Variants in KCNQ4 observed in about 807,000 individuals in gnomAD.
KCNQ4 encodes potassium voltage-gated channel subfamily KQT member 4.
In KCNQ4, 31 loss-of-function variants were observed where a neutral mutation model predicts 72.6. The ratio of observed to expected loss-of-function variants is 0.43; its 90% CI spans 0.32 to 0.58. The LOEUF (loss-of-function observed/expected upper bound fraction) is 0.58. Among genes scored for constraint, KCNQ4 ranks in the 20% least tolerant of loss-of-function variants. KCNQ4 has a pLI of 0.08. For synonymous variants in KCNQ4, 405 were observed against 403.7 expected (o/e 1.00, Z -0.04); for missense variants, 869 against 962.6 (o/e 0.90, Z 1.29).
At chr1:40,813,754 G>GT (rs1203483341) in intron 1 of KCNQ4, among the ~76,000 whole-genome samples, 44 of 150,770 alleles carry the variant, frequency 2.9e-4, no homozygotes, top group African/African-American at 6.3e-4. Context: ...TTTTGTTTTT[G>GT]TTTTTGTTTT....
intron 9 of KCNQ4, chr1:40,826,546 C>T (rs753168848): frequency 9.8e-6 from 4 of 407,492 alleles, no homozygotes; most frequent in South Asian, 3.3e-5. Context: ...CACCAGCTAC[C>T]GGAGGCCGGC....
chr1:40,819,436 C>G lies in KCNQ4; in HGVS notation c.798C>G (p.Asp266Glu). Residue 266 changes from aspartate (D) to glutamate (E), a missense_variant, in exon 5 of 14, where the codon GAC (aspartate) becomes GAG (glutamate). Asp to Glu is a conservative substitution (Grantham distance 45, BLOSUM62 2). Coordinates refer to ENST00000347132, the MANE Select transcript of KCNQ4 (RefSeq NM_004700.4). ...TGGCTGAGAAGGACGCCAACTCCGACTTCTCCTCCTACGCCGACTCGCTCT... is the reference window on the plus strand; with the variant it reads ...TGGCTGAGAAGGACGCCAACTCCGAGTTCTCCTCCTACGCCGACTCGCTCT... ...VYLAEKDANS[D>E]FSSYADSLWW... 6.2e-7 allele frequency: 1 copy of G among 1,613,914 alleles called. No individual in the cohort carries two copies. The highest frequency in any genetic ancestry group is 1.1e-5 in the South Asian group (1 of 91,084).
chr1:40,826,557 C>G, intron 9 of KCNQ4: 1 of 418,920 alleles, frequency 2.4e-6, no homozygotes, highest in East Asian at 7.5e-5. Context: ...GGAGGCCGGC[C>G]CCATCCCAGC....
At position 40,792,145 on chromosome 1, in the gene KCNQ4, G is replaced by C. The variant is rs531264313; in HGVS notation, c.314+7738G>C. 3.2e-3 allele frequency among the ~76,000 whole-genome samples: 493 copies of C among 152,260 alleles called. 4 individuals are homozygous for C. Among genetic ancestry groups the C allele is most frequent in the African/African-American group, 0.011 (473 of 41,554 alleles). ...TCTGCCACTTCTCTCTGGGAGCCTC[G>C]GGCCTGTCCAGGTTGCTGTCTTTGG... On this transcript the variant is annotated intron_variant, in intron 1 of 13. Transcript: ENST00000347132.
At chr1:40,830,172 A>G (rs1485766306) in intron 9 of KCNQ4, among the ~76,000 whole-genome samples, 1 of 152,162 alleles carries the variant, frequency 6.6e-6, no homozygotes, top group Non-Finnish European at 1.5e-5. Flanking sequence ...CACAGGCAGG[A>G]TGTCAATCAA....
intron 1 of KCNQ4, among the ~76,000 whole-genome samples, chr1:40,796,346 C>T (rs61610330): frequency 0.36 from 55,191 of 152,014 alleles, 10,377 homozygotes; most frequent in African/African-American, 0.46. Flanking sequence ...GAGTGCTTAC[C>T]GTGGACCAGA....
intron 13 of KCNQ4, 98 bp downstream of exon 13, chr1:40,837,892 G>A (rs1648852140): frequency 1.3e-6 from 2 of 1,507,750 alleles, no homozygotes; most frequent in Admixed American, 3.9e-5. Flanking sequence ...ACAGCCCAAG[G>A]GTCCCCGAGA....
chr1:40,821,823 G>A (rs990183999), intron 7 of KCNQ4, among the ~76,000 whole-genome samples: 1 of 152,152 alleles, frequency 6.6e-6, no homozygotes, highest in Non-Finnish European at 1.5e-5. Flanking sequence ...ATGTGATAAG[G>A]GGAATAACAG....
Position 40,831,137 on chromosome 1 carries a change from C to G in KCNQ4, c.1346C>G (p.Thr449Arg). 2 of 1,610,490 alleles carry G rather than the reference C, an allele frequency of 1.2e-6. No homozygotes were observed. The highest frequency in any genetic ancestry group is 2.2e-5 in the South Asian group (2 of 90,414). The change falls in exon 10 of 14, where the codon ACG (threonine) becomes AGG (arginine). Residue 449 changes from threonine (T) to arginine (R), a missense_variant. Physicochemically the swap from Thr to Arg is moderately conservative, Grantham distance 71. Coordinates refer to ENST00000347132, the MANE Select transcript of KCNQ4 (RefSeq NM_004700.4). Reference protein sequence around the residue: ...RIRMGSSQRRTGPSKQHLAPP... With the variant: ...RIRMGSSQRRRGPSKQHLAPP... The stretch of plus-strand genomic sequence containing the variant: ...CGCATGGGCAGCTCCCAGCGGCGGA[C>G]GGGTCCTTCCAAGCAGCATCTGGCA...
rs1156574023 is a variant in KCNQ4 at position 40,788,218 on chromosome 1, A to G, written c.314+3811A>G. 6.6e-6 allele frequency among the ~76,000 whole-genome samples: 1 copy of G among 152,080 alleles called. No homozygotes were observed. The highest frequency in any genetic ancestry group is 2.1e-4 in the South Asian group (1 of 4,816). On this transcript the variant is annotated intron_variant, in intron 1 of 13. Transcript: ENST00000347132. This position sits in a 1 kb window ranked among gnomAD's most constrained non-coding sequence, Gnocchi z 4.5. ...CCCCGCTAGGTCAGTCGGTCCTCACATTTTGACAGCCCCATTTTACTTGTA... is the reference window on the plus strand; with the variant it reads ...CCCCGCTAGGTCAGTCGGTCCTCACGTTTTGACAGCCCCATTTTACTTGTA...
chr1:40,809,758 T>C (rs551522850), intron 1 of KCNQ4, among the ~76,000 whole-genome samples: 1 of 152,264 alleles, frequency 6.6e-6, no homozygotes, highest in Non-Finnish European at 1.5e-5. Context: ...GACTGTGTCA[T>C]TTCCTCTCTT....
chr1:40,802,639 C>T (rs1647619617), intron 1 of KCNQ4, among the ~76,000 whole-genome samples: 2 of 152,026 alleles, frequency 1.3e-5, no homozygotes, highest in African/African-American at 4.8e-5. Flanking sequence ...GGAGCCCGGG[C>T]GGGGGAAGGG....
At chr1:40,793,739 T>C (rs769539049) in intron 1 of KCNQ4, among the ~76,000 whole-genome samples, 6 of 152,182 alleles carry the variant, frequency 3.9e-5, no homozygotes, top group Middle Eastern at 3.2e-3. Flanking sequence ...TCTGTGCTTT[T>C]CCTTCTGCCT....
intron 3 of KCNQ4, 60 bp downstream of exon 3, chr1:40,818,350 T>C (rs570163977): frequency 5.0e-6 from 8 of 1,609,006 alleles, no homozygotes; most frequent in African/African-American, 4.0e-5. Flanking sequence ...GTGACGCCTT[T>C]ACTCCCAATC....
chr1:40,790,762 C>T (rs538814346), intron 1 of KCNQ4, among the ~76,000 whole-genome samples: 3 of 152,306 alleles, frequency 2.0e-5, no homozygotes, highest in South Asian at 2.1e-4. Flanking sequence ...GAGAGCTAGA[C>T]CATGCCTGTA....
At chr1:40,814,252 C>T (rs921055347) in intron 1 of KCNQ4, among the ~76,000 whole-genome samples, 3 of 151,068 alleles carry the variant, frequency 2.0e-5, no homozygotes, top group Non-Finnish European at 4.4e-5. Flanking sequence ...CGGGGTTTCA[C>T]GATGTTGGCC....
At chr1:40,786,557 T>C (rs1647204949) in intron 1 of KCNQ4, among the ~76,000 whole-genome samples, 1 of 152,192 alleles carries the variant, frequency 6.6e-6, no homozygotes, top group Non-Finnish European at 1.5e-5. Context: ...TGTGAAAGTG[T>C]CCTGGTGTTT....
chr1:40,835,025 G>A lies in KCNQ4; in HGVS notation c.1672G>A (p.Val558Met), dbSNP rs746765804. Residue 558 changes from valine to methionine, a missense_variant, in exon 12 of 14, where the codon GTG becomes ATG. Physicochemically the swap from Val to Met is conservative, Grantham distance 21. This residue lies in a region of KCNQ4 where 480 missense variants were observed against 501.9 expected (regional missense o/e 0.96). Transcript: ENST00000347132. The stretch of plus-strand genomic sequence containing the variant: ...CAAGGAGACACTGCGACCGTACGAC[G>A]TGAAGGACGTCATTGAGCAGTACTC... ...KFKETLRPYD[V>M]KDVIEQYSAG... The A allele has an allele frequency of 3.1e-6, 5 of 1,613,960 alleles. No homozygotes were observed. The highest frequency in any genetic ancestry group is 1.6e-4 in the Middle Eastern group (1 of 6,084).
chr1:40,810,802 A>G (rs1382368288), intron 1 of KCNQ4, among the ~76,000 whole-genome samples: 2 of 151,918 alleles, frequency 1.3e-5, no homozygotes. Context: ...CTTAACCATC[A>G]CTGAGTTGTC....
Sources: gnomAD v4.1 joint callset for allele counts (sites outside exome capture counted in the v4.1 genomes callset) on GRCh38, gnomAD v4.1.1 for gene constraint, gnomAD v4.1.1 regional missense constraint, Gnocchi (gnomAD v3.1) non-coding constraint, MANE v1.5 for transcripts, NCBI Gene and HGNC (gene_info 2026-07-23, HGNC 2026-07-21) for gene names.